MATN2: variants seen among roughly 807,000 people sequenced by gnomAD.
The protein encoded by MATN2 is matrilin 2, also known as matrilin-2.
MATN2 carries 69 observed loss-of-function variants against 103.2 expected under a neutral mutation model. The observed-to-expected ratio is 0.67, with a 90% CI of 0.55 to 0.82. The LOEUF (loss-of-function observed/expected upper bound fraction) is 0.82. Ranked by LOEUF, MATN2 falls within the 40% of genes least tolerant of loss-of-function variation. The probability of loss-of-function intolerance (pLI) is 0.00; values close to 1 mark genes in which losing one functional copy is unlikely to be tolerated. For synonymous variants in MATN2, 429 were observed against 450.2 expected (o/e 0.95, Z 0.60); for missense variants, 1,023 against 1,211.5 (o/e 0.84, Z 2.31).
At chr8:97,908,522 T>C (rs184613414) in intron 2 of MATN2, among the ~76,000 whole-genome samples, 116 of 152,360 alleles carry the variant, frequency 7.6e-4, no homozygotes, top group Non-Finnish European at 1.5e-3. Context: ...AACTGTATAC[T>C]GAATGAATGA....
At chr8:97,926,183 GACGTTTTATTATGGGCCC>G (rs1194779458) in intron 2 of MATN2, among the ~76,000 whole-genome samples, 1 of 152,174 alleles carries the variant, frequency 6.6e-6, no homozygotes, top group Non-Finnish European at 1.5e-5. Flanking sequence ...TTAGAGGGAT[GACGTTTTATTATGGGCCC>G]ACAAACTGTC....
At chr8:97,996,916 A>C (rs76443529) in intron 7 of MATN2, among the ~76,000 whole-genome samples, 6,856 of 152,254 alleles carry the variant, frequency 0.045, 503 homozygotes, top group African/African-American at 0.15. Context: ...TCTAATATGA[A>C]ATCTATTTTT....
intron 6 of MATN2, among the ~76,000 whole-genome samples, chr8:97,991,000 G>A (rs1042334798): frequency 8.6e-5 from 13 of 152,032 alleles, no homozygotes; most frequent in Non-Finnish European, 1.9e-4. Context: ...TGTGCAGTTT[G>A]GTTTTTGTCA....
intron 1 of MATN2, among the ~76,000 whole-genome samples, chr8:97,872,951 A>C (rs1586362046): frequency 1.3e-5 from 2 of 151,982 alleles, no homozygotes; most frequent in Non-Finnish European, 2.9e-5. Context: ...GAGCTACCAC[A>C]CCTGGCTAAT....
rs565160755 is a variant in MATN2 at position 98,028,881 on chromosome 8, C to A, written c.2356+1052C>A. Among the ~76,000 whole-genome samples the A allele has an allele frequency of 6.1e-4, 93 of 152,294 alleles. 1 individual carries two copies. The highest frequency in any genetic ancestry group is 1.1e-3 in the Non-Finnish European group (77 of 68,034). Reference sequence around the variant, plus strand: ...GGATTATAGGCGTGAGCCACTGTGCCCAGCCGAAAACTGCCTTCTTAAAGT... The same window carrying A: ...GGATTATAGGCGTGAGCCACTGTGCACAGCCGAAAACTGCCTTCTTAAAGT... On this transcript the variant is annotated intron_variant, in intron 14 of 18. Coordinates refer to ENST00000254898, the MANE Select transcript of MATN2 (RefSeq NM_002380.5).
At chr8:98,026,918 A>T (rs1320620167) in intron 13 of MATN2, among the ~76,000 whole-genome samples, 1 of 152,170 alleles carries the variant, frequency 6.6e-6, no homozygotes, top group Non-Finnish European at 1.5e-5. Context: ...ATAAATTAGT[A>T]GTGTTTGGGG....
At position 97,876,186 on chromosome 8, in the gene MATN2, A is replaced by ATT. The variant is rs899171638; in HGVS notation, c.-27+6918_-27+6919dup. On this transcript the variant is annotated intron_variant, in intron 1 of 18. Transcript: ENST00000254898. ...GCCACCACGCTTGGCTAATTATTGT[A>ATT]TTTTTTTTTTTTTTTTTTTTGAGAC... is the stretch of plus-strand genomic sequence containing the variant. Among the ~76,000 whole-genome samples the ATT allele has an allele frequency of 1.3e-3, 139 of 106,270 alleles. 2 individuals are homozygous for ATT. The highest frequency in any genetic ancestry group is 5.9e-3 in the Middle Eastern group (1 of 170). 69.7% of individuals were successfully genotyped at this position (106,270 alleles called of 152,430 possible).
Position 98,032,315 on chromosome 8 carries a change from C to G in MATN2, c.2579C>G (p.Thr860Arg). 6.2e-7 allele frequency: 1 copy of G among 1,608,776 alleles called. No individual in the cohort carries two copies. The highest frequency in any genetic ancestry group is 1.3e-5 in the African/African-American group (1 of 74,948). ...GELPKTVQQP[T>R]ESEPVTINIQ... The stretch of plus-strand genomic sequence containing the variant: ...CTGCCAAAAACGGTCCAACAGCCAA[C>G]AGGTACAGTTTTTAAGGCAGTGTTT... The change falls in exon 16 of 19, where the codon ACA becomes AGA. Residue 860 changes from threonine to arginine, a missense_variant and splice_region_variant. Physicochemically the swap from Thr to Arg is moderately conservative, Grantham distance 71. Coordinates refer to ENST00000254898, the MANE Select transcript of MATN2 (RefSeq NM_002380.5).
intron 18 of MATN2, among the ~76,000 whole-genome samples, chr8:98,034,563 C>G (rs896445601): frequency 6.6e-6 from 1 of 152,128 alleles, no homozygotes; most frequent in Non-Finnish European, 1.5e-5. Context: ...GGCTCTCATT[C>G]TGCCCTCAAG....
chr8:97,925,885 T>G (rs1198859815), intron 2 of MATN2, among the ~76,000 whole-genome samples: 1 of 152,218 alleles, frequency 6.6e-6, no homozygotes, highest in Non-Finnish European at 1.5e-5. Flanking sequence ...AACTTCCCCA[T>G]GCAGATGGCA....
chr8:98,033,275 G>A (rs1394793483), intron 17 of MATN2, 99 bp downstream of exon 17: 1 of 1,088,332 alleles, frequency 9.2e-7, no homozygotes, highest in East Asian at 2.6e-5. Context: ...AAGGAAGTAG[G>A]AAATAGTATA....
At chr8:97,998,247 G>A (rs936784948) in intron 7 of MATN2, among the ~76,000 whole-genome samples, 9 of 151,428 alleles carry the variant, frequency 5.9e-5, no homozygotes, top group South Asian at 2.1e-4. Flanking sequence ...CTTGCTGGGC[G>A]CGGTGGCTCA....
chr8:98,010,694 C>A (rs778520382), intron 10 of MATN2, among the ~76,000 whole-genome samples: 29 of 152,164 alleles, frequency 1.9e-4, no homozygotes, highest in Non-Finnish European at 3.7e-4. Context: ...CCCAGAGACA[C>A]ACAACTCTGG....
intron 1 of MATN2, 189 bp from the exon 2 acceptor site, chr8:97,887,886 G>C (rs576663707): frequency 2.0e-6 from 1 of 509,538 alleles, no homozygotes; most frequent in Non-Finnish European, 3.4e-6. Flanking sequence ...TGCCCTGCTC[G>C]GAGCGTCCAA....
chr8:97,978,515 T>A (rs993773929), intron 5 of MATN2, among the ~76,000 whole-genome samples: 2 of 152,238 alleles, frequency 1.3e-5, no homozygotes, highest in Non-Finnish European at 2.9e-5. Context: ...TTTCTCAATT[T>A]ATAATGCCCC....
At chr8:97,926,090 T>A (rs1378123) in intron 2 of MATN2, among the ~76,000 whole-genome samples, 29 of 152,042 alleles carry the variant, frequency 1.9e-4, no homozygotes, top group Admixed American at 1.5e-3. Context: ...TAAAAGACAC[T>A]CATTTGCCCA....
intron 1 of MATN2, among the ~76,000 whole-genome samples, chr8:97,870,841 T>A (rs1055071149): frequency 5.3e-5 from 8 of 152,208 alleles, no homozygotes; most frequent in African/African-American, 1.9e-4. Context: ...TTCCTCTCAG[T>A]CCCTGAAACT....
At chr8:97,904,290 A>G (rs921972911) in intron 2 of MATN2, among the ~76,000 whole-genome samples, 27 of 152,310 alleles carry the variant, frequency 1.8e-4, no homozygotes, top group African/African-American at 6.5e-4. Context: ...CCATTAGTCT[A>G]TTTGACTTTT....
At position 98,027,458 on chromosome 8, in the gene MATN2, G is replaced by T; in HGVS notation, c.1985G>T (p.Gly662Val). ...ATTGACCTGGTCTTTGTGATCGATGGATCCAAGAGTCTTGGAGAAGAGAAT... is the reference window on the plus strand; with the variant it reads ...ATTGACCTGGTCTTTGTGATCGATGTATCCAAGAGTCTTGGAGAAGAGAAT... ...GPIDLVFVID[G>V]SKSLGEENFE... Residue 662 changes from glycine (G) to valine (V), a missense_variant, in exon 14 of 19, where the codon GGA becomes GTA. Gly to Val is a moderately radical substitution (Grantham distance 109, BLOSUM62 -3). Transcript: ENST00000254898. 6.2e-7 allele frequency: 1 copy of T among 1,612,420 alleles called. No individual in the cohort carries two copies. Among genetic ancestry groups the T allele is most frequent in the Non-Finnish European group, 8.5e-7 (1 of 1,178,650 alleles).
Sources: allele counts gnomAD v4.1 joint callset (sites outside exome capture counted in the v4.1 genomes callset), GRCh38; gene constraint gnomAD v4.1.1; transcripts MANE v1.5; gene names NCBI Gene and HGNC (gene_info 2026-07-23, HGNC 2026-07-21).